The following GSE1 variants were observed in gnomAD, a reference collection of about 807,000 sequenced individuals.
The protein encoded by GSE1 is genetic suppressor element 1.
In GSE1, 32 loss-of-function variants were observed where a neutral mutation model predicts 112.6. That is an observed-to-expected ratio of 0.28 (90% CI 0.21 to 0.38). The LOEUF is 0.38. Among genes scored for constraint, GSE1 ranks in the 10% least tolerant of loss-of-function variants. GSE1 has a pLI of 1.00. For synonymous variants in GSE1, 1,115 were observed against 735.6 expected (o/e 1.52, Z -8.35); for missense variants, 2,348 against 1,699.2 (o/e 1.38, Z -6.71).
chr16:85,425,624 G>A (rs747164601), intron 2 of GSE1, among the ~76,000 whole-genome samples: 85 of 152,294 alleles, frequency 5.6e-4, no homozygotes, highest in Non-Finnish European at 1.1e-3. Flanking sequence ...CCCAAACATG[G>A]CCACCCCACC....
At chr16:85,458,438 G>T (rs1219469671) in intron 2 of GSE1, among the ~76,000 whole-genome samples, 1 of 152,250 alleles carries the variant, frequency 6.6e-6, no homozygotes, top group Non-Finnish European at 1.5e-5. Flanking sequence ...AGCCAGAGCT[G>T]AGCAGACACT....
At chr16:85,633,794 G>GC (rs1351304763) in intron 1 of GSE1, 120 bp from the exon 2 acceptor site, 7 of 688,546 alleles carry the variant, frequency 1.0e-5, no homozygotes, top group African/African-American at 1.8e-5. Flanking sequence ...TCCTGCTGGA[G>GC]CCCCCGGGGC....
At chr16:85,436,181 C>G (rs4783202) in intron 2 of GSE1, among the ~76,000 whole-genome samples, 30,143 of 152,086 alleles carry the variant, frequency 0.2, 3,110 homozygotes, top group South Asian at 0.31. Flanking sequence ...ACTTCCTGTT[C>G]TCTCCTCCAA....
intron 1 of GSE1, among the ~76,000 whole-genome samples, chr16:85,300,968 G>A (rs2151460617): frequency 6.6e-6 from 1 of 152,310 alleles, no homozygotes; most frequent in South Asian, 2.1e-4. Flanking sequence ...GAGATGCAGT[G>A]GGGGTGTGGG....
intron 1 of GSE1, among the ~76,000 whole-genome samples, chr16:85,263,667 GGTTGA>G: frequency 6.6e-6 from 1 of 152,012 alleles, no homozygotes; most frequent in Non-Finnish European, 1.5e-5. Context: ...CTGCCTCCAG[GGTTGA>G]AGCGATTCTC....
At chr16:85,661,977 G>A (rs936788387) in intron 9 of GSE1, among the ~76,000 whole-genome samples, 2 of 152,200 alleles carry the variant, frequency 1.3e-5, no homozygotes, top group African/African-American at 4.8e-5. Context: ...GTCCTGCCTC[G>A]ATGCAAATTG....
chr16:85,345,659 G>A (rs1241112385), intron 1 of GSE1, among the ~76,000 whole-genome samples: 2 of 152,020 alleles, frequency 1.3e-5, no homozygotes, highest in African/African-American at 2.4e-5. Context: ...TTCTTGTGCT[G>A]TTTGTCCTTA....
intron 1 of GSE1, among the ~76,000 whole-genome samples, chr16:85,324,795 G>C (rs919636108): frequency 2.4e-4 from 37 of 152,252 alleles, no homozygotes; most frequent in Admixed American, 1.0e-3. Flanking sequence ...CCTGGGGAAG[G>C]CGATTCCGTC....
intron 2 of GSE1, among the ~76,000 whole-genome samples, chr16:85,388,379 GAT>G (rs1429860755): frequency 5.0e-4 from 47 of 94,204 alleles, no homozygotes; most frequent in African/African-American, 1.5e-3. Flanking sequence ...CGGGTGGGTG[GAT>G]GGATGGATGG....
At chr16:85,636,906 C>T (rs2050049691) in intron 2 of GSE1, among the ~76,000 whole-genome samples, 1 of 150,378 alleles carries the variant, frequency 6.6e-6, no homozygotes, top group African/African-American at 2.4e-5. Context: ...CATGTGGACC[C>T]CCCAGCTCCC....
At position 85,330,649 on chromosome 16, in the gene GSE1, C is replaced by T. The variant is rs139738897; in HGVS notation, c.2284-26814C>T. On this transcript the variant is annotated intron_variant, in intron 1 of 2. Transcript: ENST00000637419. ...CGTGCAGGTGGGCAGGGGTGGGCAC[C>T]GGAGGGCATGATGCATCATTTTTTG... is the stretch of plus-strand genomic sequence containing the variant. Among the ~76,000 whole-genome samples the T allele has an allele frequency of 4.2e-3, 642 of 152,308 alleles. 7 individuals carry two copies. Among genetic ancestry groups the T allele is most frequent in the African/African-American group, 0.015 (616 of 41,560 alleles).
chr16:85,466,428 G>A (rs2050123187), intron 2 of GSE1, among the ~76,000 whole-genome samples: 1 of 152,220 alleles, frequency 6.6e-6, no homozygotes, highest in Non-Finnish European at 1.5e-5. Flanking sequence ...CCCAGGCCAG[G>A]CTCTGCCCCT....
chr16:85,587,191 C>G lies in GSE1; in HGVS notation c.37+30828C>G, dbSNP rs1161903059. On this transcript the variant is annotated intron_variant, in intron 1 of 2. Transcript: ENST00000635906. Reference sequence around the variant, plus strand: ...AAACCCCCCCCCCCCCAGACCAGACCCCATGGTCTGGAGGGCCCGGCCGTG... The same window carrying G: ...AAACCCCCCCCCCCCCAGACCAGACGCCATGGTCTGGAGGGCCCGGCCGTG... Among the ~76,000 whole-genome samples the G allele has an allele frequency of 3.3e-5, 5 of 151,898 alleles. No homozygotes were observed. In the East Asian group the frequency reaches 9.7e-4, roughly 29 times the overall value.
chr16:85,510,846 G>A (rs1041808922), intron 2 of GSE1, among the ~76,000 whole-genome samples: 1 of 138,060 alleles, frequency 7.2e-6, no homozygotes, highest in Non-Finnish European at 1.6e-5. Context: ...TGCACCTGCC[G>A]TTCCCTTTCC....
At chr16:85,313,011 C>G (rs2045895495) in intron 1 of GSE1, among the ~76,000 whole-genome samples, 1 of 150,554 alleles carries the variant, frequency 6.6e-6, no homozygotes, top group Admixed American at 6.6e-5. Flanking sequence ...GGGCAGCCTC[C>G]CTGGGAGAGG....
At chr16:85,504,727 C>T (rs2051481070) in intron 2 of GSE1, among the ~76,000 whole-genome samples, 1 of 152,146 alleles carries the variant, frequency 6.6e-6, no homozygotes, top group Admixed American at 6.5e-5. Flanking sequence ...TCTGGGGCTG[C>T]AGGTTACAGA....
intron 2 of GSE1, among the ~76,000 whole-genome samples, chr16:85,638,759 A>C (rs1598498408): frequency 3.8e-5 from 4 of 105,812 alleles, no homozygotes; most frequent in South Asian, 3.4e-4. Context: ...ACCCACTGCC[A>C]CCCCTTCCCC....
At chr16:85,526,654 C>T (rs936854036) in intron 2 of GSE1, among the ~76,000 whole-genome samples, 12 of 152,178 alleles carry the variant, frequency 7.9e-5, no homozygotes, top group South Asian at 2.1e-4. Context: ...TGCCCACTAT[C>T]AGGGATCTGG....
chr16:85,626,715 C>T (rs1338113792), intron 1 of GSE1, among the ~76,000 whole-genome samples: 1 of 152,284 alleles, frequency 6.6e-6, no homozygotes, highest in South Asian at 2.1e-4. Context: ...GGGAGCAGGC[C>T]TGAGGTCTGG....
Sources: gnomAD v4.1 joint callset for allele counts (sites outside exome capture counted in the v4.1 genomes callset) on GRCh38, gnomAD v4.1.1 for gene constraint, MANE v1.5 for transcripts, NCBI Gene and HGNC (gene_info 2026-07-23, HGNC 2026-07-21) for gene names.